The following STT3B variants were observed in gnomAD, a reference collection of about 807,000 sequenced individuals.
The protein encoded by STT3B is STT3 oligosaccharyltransferase complex catalytic subunit B.
In STT3B, 29 loss-of-function variants were observed where a neutral mutation model predicts 96.8. The ratio of observed to expected loss-of-function variants is 0.30; its 90% CI spans 0.22 to 0.41. The LOEUF (loss-of-function observed/expected upper bound fraction) is 0.41. Among genes scored for constraint, STT3B ranks in the 10% least tolerant of loss-of-function variants. The pLI is 1.00. For synonymous variants in STT3B, 367 were observed against 360.0 expected, an observed-to-expected ratio of 1.02 and a Z score of -0.22; for missense variants, 640 against 1,022.3, an observed-to-expected ratio of 0.63 and a Z score of 5.10.
intron 7 of STT3B, 86 bp downstream of exon 7, chr3:31,617,161 A>G (rs1699323626): frequency 9.5e-7 from 1 of 1,051,988 alleles, no homozygotes; most frequent in Non-Finnish European, 1.3e-6. Flanking sequence ...TCTGAATAAC[A>G]GCATGACTAC....
chr3:31,632,287 A>T (rs546014703), intron 14 of STT3B, among the ~76,000 whole-genome samples: 14 of 152,202 alleles, frequency 9.2e-5, no homozygotes, highest in Middle Eastern at 6.8e-3. Context: ...AGTATCTCTT[A>T]CTTGTGCATT....
At chr3:31,611,091 A>G (rs1441664501) in intron 5 of STT3B, among the ~76,000 whole-genome samples, 1 of 152,180 alleles carries the variant, frequency 6.6e-6, no homozygotes, top group East Asian at 1.9e-4. Context: ...GGGTTCTTAA[A>G]GAGTTCATTG....
chr3:31,563,881 C>T (rs12635086), intron 1 of STT3B, among the ~76,000 whole-genome samples: 2 of 152,140 alleles, frequency 1.3e-5, no homozygotes, highest in African/African-American at 4.8e-5. Flanking sequence ...TCTTGGCTCA[C>T]TGCAACCTCC....
chr3:31,612,305 C>A (rs1699200170), intron 5 of STT3B, among the ~76,000 whole-genome samples: 1 of 152,006 alleles, frequency 6.6e-6, no homozygotes, highest in South Asian at 2.1e-4. Flanking sequence ...GTTCAGTGAT[C>A]CAAAAAATGT....
rs1699505262 is a variant in STT3B, at chr3:31,624,984, C to T, written c.1798C>T (p.Arg600Ter). 6.2e-7 allele frequency: 1 copy of T among 1,613,086 alleles called. No individual in the cohort carries two copies. Residue 600 changes from arginine to a stop codon, truncating the protein, a stop_gained, in exon 12 of 16, where the codon CGA (arginine) becomes TGA (stop). Transcript: ENST00000295770. LOFTEE classifies it high-confidence loss of function. ...WLRQNTDEHA[R>*]VMSWWDYGYQ... Reference sequence around the variant, plus strand: ...AAGGCAAAATACAGATGAACATGCACGAGTAATGTCTTGGTGGGATTATGG... The same window carrying T: ...AAGGCAAAATACAGATGAACATGCATGAGTAATGTCTTGGTGGGATTATGG...
chr3:31,601,559 C>G (rs1698928418), intron 5 of STT3B, among the ~76,000 whole-genome samples: 1 of 152,016 alleles, frequency 6.6e-6, no homozygotes. Context: ...AAATCCATAG[C>G]AACAGAAAGT....
chr3:31,579,691 G>C (rs1698341487), intron 2 of STT3B, 118 bp from the exon 3 acceptor site: 2 of 782,714 alleles, frequency 2.6e-6, no homozygotes, highest in Non-Finnish European at 3.8e-6. Context: ...AAATTGTTTT[G>C]AGATGTTGCT....
intron 1 of STT3B, among the ~76,000 whole-genome samples, chr3:31,551,360 C>T (rs780721084): frequency 1.4e-4 from 21 of 152,052 alleles, no homozygotes; most frequent in South Asian, 4.1e-4. Flanking sequence ...GCACTACATG[C>T]GCATGCCACC....
intron 15 of STT3B, among the ~76,000 whole-genome samples, chr3:31,634,626 T>G (rs1253218566): frequency 6.6e-6 from 1 of 152,192 alleles, no homozygotes; most frequent in Non-Finnish European, 1.5e-5. Flanking sequence ...ACAGCATCCA[T>G]TCTGAGAGTT....
At chr3:31,602,572 T>G (rs968929607) in intron 5 of STT3B, among the ~76,000 whole-genome samples, 1 of 151,980 alleles carries the variant, frequency 6.6e-6, no homozygotes, top group South Asian at 2.1e-4. Flanking sequence ...AGTTTAAAAT[T>G]CAAGCAGTGT....
chr3:31,621,562 A>G (rs1699430653), intron 9 of STT3B, among the ~76,000 whole-genome samples: 1 of 152,246 alleles, frequency 6.6e-6, no homozygotes, highest in Admixed American at 6.5e-5. Flanking sequence ...TGGTTAGCAC[A>G]TTATCCAGAA....
In STT3B at chr3:31,626,147, C is replaced by T; in HGVS notation, c.2073+20C>T. 1 of 1,603,886 alleles carries T rather than the reference C, an allele frequency of 6.2e-7. No homozygotes were observed. Among genetic ancestry groups the T allele is most frequent in the Non-Finnish European group, 8.5e-7 (1 of 1,173,714 alleles). On this transcript the variant is annotated intron_variant, in intron 13 of 15. Transcript: ENST00000295770. ...ATTCGGGTAAGAAACTAGATAATTC[C>T]AGGTATGTGAAAGATAGCTCACTGT...
chr3:31,620,480 A>G, intron 9 of STT3B, among the ~76,000 whole-genome samples: 1 of 152,132 alleles, frequency 6.6e-6, no homozygotes, highest in East Asian at 1.9e-4. Context: ...TTTTAGGGAC[A>G]TTCATCTTCC....
At chr3:31,558,701 C>T (rs1697783917) in intron 1 of STT3B, among the ~76,000 whole-genome samples, 1 of 152,088 alleles carries the variant, frequency 6.6e-6, no homozygotes, top group Admixed American at 6.5e-5. Flanking sequence ...GGAGAATTCC[C>T]TCCCCTTCAG....
In STT3B at chr3:31,533,332, T is replaced by C. The variant is rs1028892114; in HGVS notation, c.314+20T>C. 3 of 1,489,316 alleles carry C rather than the reference T, an allele frequency of 2.0e-6. No homozygotes were observed. The highest frequency in any genetic ancestry group is 2.3e-4 in the Middle Eastern group (1 of 4,264). The allele number at this position is 1,489,316 out of a possible 1,614,324, so 92.3% of individuals were successfully genotyped here. A position where few individuals can be genotyped will look rare whatever the true frequency, so the allele number is the denominator to read the frequency against. ...CCCGTGGTAAGTGCCTCGCCGCCCC[T>C]CCCCCGCCCGTGGCCCGCGGGGAAC... On this transcript the variant is annotated intron_variant, in intron 1 of 15. Coordinates refer to ENST00000295770, the MANE Select transcript of STT3B (RefSeq NM_178862.3).
At chr3:31,613,026 G>A (rs1336605865) in intron 5 of STT3B, among the ~76,000 whole-genome samples, 2 of 152,132 alleles carry the variant, frequency 1.3e-5, no homozygotes, top group South Asian at 2.1e-4. Context: ...GACAGATGCA[G>A]ATTTGTGGTT....
At chr3:31,537,563 A>G (rs1353312721) in intron 1 of STT3B, among the ~76,000 whole-genome samples, 2 of 152,186 alleles carry the variant, frequency 1.3e-5, no homozygotes, top group African/African-American at 4.8e-5. Context: ...TTCATGATGT[A>G]TAGGCCCTAC....
chr3:31,572,385 G>C (rs1698180572), intron 1 of STT3B, among the ~76,000 whole-genome samples: 1 of 151,400 alleles, frequency 6.6e-6, no homozygotes, highest in South Asian at 2.1e-4. Flanking sequence ...TTATCTCTAT[G>C]AGTCAAAATT....
chr3:31,546,221 A>T (rs1169754932), intron 1 of STT3B, among the ~76,000 whole-genome samples: 2 of 152,162 alleles, frequency 1.3e-5, no homozygotes, highest in African/African-American at 4.8e-5. Flanking sequence ...ACAGCATTTT[A>T]TTATTTCACA....
Sources: gnomAD v4.1 joint callset for allele counts (sites outside exome capture counted in the v4.1 genomes callset) on GRCh38, gnomAD v4.1.1 for gene constraint, MANE v1.5 for transcripts, NCBI Gene and HGNC (gene_info 2026-07-23, HGNC 2026-07-21) for gene names.